HAUS7: variants seen among roughly 807,000 people sequenced by gnomAD.
HAUS7 encodes the protein HAUS augmin like complex subunit 7, also known as HAUS augmin-like complex subunit 7.
HAUS7 carries 3 observed loss-of-function variants against 28.4 expected under a neutral mutation model. That is an observed-to-expected ratio of 0.11 (90% CI 0.05 to 0.27). The LOEUF (loss-of-function observed/expected upper bound fraction) is 0.27. Among genes scored for constraint, HAUS7 ranks in the 10% least tolerant of loss-of-function variants. The pLI is 1.00. For synonymous variants in HAUS7, 165 were observed against 132.1 expected (o/e 1.25, Z -1.71); for missense variants, 284 against 297.3 (o/e 0.96, Z 0.33).
At chrX:153,486,534 C>T in intron 1 of HAUS7, 1 of 697,151 alleles carries the variant, frequency 1.4e-6, no homozygotes, top group South Asian at 2.3e-5. Context: ...CTTACTGCTT[C>T]TCTCAGGGCA....
intron 1 of HAUS7, among the ~76,000 whole-genome samples, chrX:153,476,357 C>T (rs2089562748): frequency 8.9e-6 from 1 of 112,349 alleles, no homozygotes; most frequent in African/African-American, 3.2e-5. Context: ...GCAAAGAATC[C>T]ACTGTCCAGT....
At chrX:153,484,437 C>T (rs907392714) in intron 1 of HAUS7, among the ~76,000 whole-genome samples, 16 of 111,943 alleles carry the variant, frequency 1.4e-4, no homozygotes, top group African/African-American at 4.9e-4. Flanking sequence ...CTCACGGCAA[C>T]CAGATGCTGT....
chrX:153,492,217 G>A (rs1289088698), intron 1 of HAUS7, among the ~76,000 whole-genome samples: 1 of 113,593 alleles, frequency 8.8e-6, no homozygotes, highest in Non-Finnish European at 1.9e-5. Flanking sequence ...CCGCCCGCCA[G>A]CTCTGCTCGC....
rs2089508686 is a variant in HAUS7 at position 153,470,510 on chromosome X, T to C, written c.48A>G (p.Ser16=). 1 of 1,203,539 alleles carries C rather than the reference T, an allele frequency of 8.3e-7. No homozygotes were observed. Among genetic ancestry groups the C allele is most frequent in the East Asian group, 3.0e-5 (1 of 33,512 alleles). ...AGCGRGGDDY[S]EDEGDSSVSR... is the part of the protein sequence containing the mutation. ...ACACGCTGCTGTCGCCCTCGTCCTC[T>C]GAGTAGTCGTCGCCGCCACGGCCGC... The change falls in exon 1 of 10, where the codon TCA becomes TCG. Residue 16 remains serine (S), a synonymous_variant. Transcript: ENST00000370211.
intron 9 of HAUS7, among the ~76,000 whole-genome samples, chrX:153,452,889 C>T (rs2089256783): frequency 9.0e-6 from 1 of 111,668 alleles, no homozygotes; most frequent in Admixed American, 9.5e-5. Context: ...GAGGCTGAGG[C>T]AGAATTGCTT....
chrX:153,458,258 C>T (rs1277029889), intron 4 of HAUS7, among the ~76,000 whole-genome samples: 1 of 113,117 alleles, frequency 8.8e-6, no homozygotes, highest in African/African-American at 3.2e-5. Context: ...AGGACAGGGG[C>T]GATGGCACTG....
intron 1 of HAUS7, among the ~76,000 whole-genome samples, chrX:153,488,127 C>T (rs965869733): frequency 9.7e-5 from 11 of 113,045 alleles, no homozygotes; most frequent in African/African-American, 3.5e-4. Flanking sequence ...AGACACAGCC[C>T]AGCCCCAAGG....
rs2089291215 is a variant in HAUS7 at position 153,455,297 on chromosome X, G to A, written c.930+245C>T. The A allele has an allele frequency of 9.0e-6, 4 of 442,047 alleles. No homozygotes were observed. In the Admixed American group the frequency reaches 1.2e-4, roughly 13 times the overall value. 36.4% of individuals were successfully genotyped at this position (442,047 alleles called of 1,213,427 possible). ...CCCACACCGGATCTGGGCCTAGCTA[G>A]TGCCTGCTAAGGTGGGCAGGTCCAA... On this transcript the variant is annotated intron_variant, in intron 8 of 9. Coordinates refer to ENST00000370211, the MANE Select transcript of HAUS7 (RefSeq NM_001385482.1).
At chrX:153,483,889 AG>A (rs1449845935) in intron 1 of HAUS7, among the ~76,000 whole-genome samples, 1 of 112,234 alleles carries the variant, frequency 8.9e-6, no homozygotes, top group East Asian at 2.8e-4. Context: ...AGGAGGTGAC[AG>A]GGGCAGGAAG....
chrX:153,492,452 G>C (rs1210110900), intron 1 of HAUS7, among the ~76,000 whole-genome samples: 2 of 112,310 alleles, frequency 1.8e-5, no homozygotes, highest in African/African-American at 6.5e-5. Flanking sequence ...GGTGGGCCCC[G>C]GGCCGGGCGT....
At chrX:153,457,101 G>A (rs377562227) in intron 5 of HAUS7, 36 bp downstream of exon 5, 73 of 918,551 alleles carry the variant, frequency 7.9e-5, no homozygotes, top group Non-Finnish European at 1.0e-4. Context: ...AGAGAAGCCC[G>A]TCAATACTGC....
At chrX:153,477,429 G>A (rs1026828529) in intron 1 of HAUS7, among the ~76,000 whole-genome samples, 2 of 113,554 alleles carry the variant, frequency 1.8e-5, no homozygotes, top group African/African-American at 3.2e-5. Context: ...GACCTACCCC[G>A]TTTCTCAGGC....
intron 4 of HAUS7, among the ~76,000 whole-genome samples, chrX:153,459,642 A>G (rs782704784): frequency 2.7e-5 from 3 of 111,824 alleles, no homozygotes; most frequent in South Asian, 7.6e-4. Flanking sequence ...TTCCGCCTGC[A>G]TTACAGCCGG....
chrX:153,469,982 T>C (rs1398719716), intron 1 of HAUS7, among the ~76,000 whole-genome samples: 1 of 111,157 alleles, frequency 9.0e-6, no homozygotes, highest in Admixed American at 9.4e-5. Flanking sequence ...TCCTCACTGC[T>C]GCAGTGAGGG....
chrX:153,459,793 A>C (rs1329370867), intron 4 of HAUS7, among the ~76,000 whole-genome samples: 2 of 112,357 alleles, frequency 1.8e-5, no homozygotes, highest in Non-Finnish European at 3.8e-5. Context: ...AAGTGGGAGG[A>C]TTGCCTGAGC....
At chrX:153,480,452 A>G in intron 1 of HAUS7, 1 of 345,128 alleles carries the variant, frequency 2.9e-6, no homozygotes, top group African/African-American at 2.8e-5. Context: ...AGTGCTCCTC[A>G]GGAGGTAAGG....
chrX:153,455,145 T>A, intron 8 of HAUS7: 6 of 477,016 alleles, frequency 1.3e-5, no homozygotes, highest in South Asian at 4.8e-5. Flanking sequence ...AGGCAGGCAT[T>A]TGTCTGCCTG....
intron 9 of HAUS7, among the ~76,000 whole-genome samples, chrX:153,452,355 T>A (rs2089250269): frequency 8.9e-6 from 1 of 111,770 alleles, no homozygotes. Context: ...GGTAACAACA[T>A]CGATAAATAT....
chrX:153,456,133 G>C (rs1301591876), intron 7 of HAUS7, 132 bp downstream of exon 7: 2 of 520,857 alleles, frequency 3.8e-6, no homozygotes, highest in Non-Finnish European at 6.6e-6. Flanking sequence ...CCCGCGGACT[G>C]AGCACCACAG....
Sources: gnomAD v4.1 joint callset for allele counts (sites outside exome capture counted in the v4.1 genomes callset) on GRCh38, gnomAD v4.1.1 for gene constraint, MANE v1.5 for transcripts, NCBI Gene and HGNC (gene_info 2026-07-23, HGNC 2026-07-21) for gene names.